Variants in ADAM22 observed in about 807,000 individuals in gnomAD.
ADAM22 encodes the protein ADAM metallopeptidase domain 22.
Under a neutral mutation model 144.6 loss-of-function variants are expected in ADAM22, and 65 were observed. That is an observed-to-expected ratio of 0.45 (90% confidence interval 0.37 to 0.55). The LOEUF (loss-of-function observed/expected upper bound fraction) is 0.55, where lower values mean the gene tolerates loss of function less well. Ranked by LOEUF, ADAM22 falls within the 20% of genes least tolerant of loss-of-function variation. The probability of loss-of-function intolerance (pLI) is 0.00; values close to 1 mark genes in which losing one functional copy is unlikely to be tolerated. For missense variants in ADAM22, 974 were observed against 1,184.9 expected (o/e 0.82, Z 2.61); for synonymous variants, 391 against 412.6 (o/e 0.95, Z 0.63).
At chr7:88,052,264 G>A (rs771986090) in intron 3 of ADAM22, among the ~76,000 whole-genome samples, 12 of 151,390 alleles carry the variant, frequency 7.9e-5, no homozygotes, top group Non-Finnish European at 1.3e-4. Context: ...TTGGGAGACC[G>A]AGTCGGGCAG....
rs1490506811 is a variant in ADAM22 at position 88,198,999 on chromosome 7, AT to A, written c.*2511del. 3 of 152,196 alleles carry A rather than the reference AT, an allele frequency of 2.0e-5. No homozygotes were observed. Among genetic ancestry groups the A allele is most frequent in the African/African-American group, 7.2e-5 (3 of 41,458 alleles). 9.4% of individuals were successfully genotyped at this position (152,196 alleles called of 1,614,324 possible). A position where few individuals can be genotyped will look rare whatever the true frequency, so the allele number is the denominator to read the frequency against. On this transcript the variant is annotated 3_prime_UTR_variant, in exon 32 of 32. Transcript: ENST00000413139. ...CCCATGTTTAAACATTCTTAGAGCCATTTGTGGGATTCATTGACAAATTTAT... is the reference window on the plus strand; with the variant it reads ...CCCATGTTTAAACATTCTTAGAGCCATTGTGGGATTCATTGACAAATTTAT...
intron 3 of ADAM22, among the ~76,000 whole-genome samples, chr7:88,038,700 G>T (rs956148859): frequency 6.6e-6 from 1 of 151,688 alleles, no homozygotes; most frequent in East Asian, 1.9e-4. Context: ...TGATCCGCCC[G>T]TCTCGGCCTC....
chr7:88,089,316 G>A (rs17150205), intron 4 of ADAM22, among the ~76,000 whole-genome samples: 20,877 of 151,902 alleles, frequency 0.14, 2,182 homozygotes, highest in African/African-American at 0.27. Context: ...TGCTGCATGC[G>A]TTATTAGTAC....
chr7:87,975,825 A>C (rs976781633), intron 2 of ADAM22, among the ~76,000 whole-genome samples: 1 of 152,190 alleles, frequency 6.6e-6, no homozygotes, highest in African/African-American at 2.4e-5. Context: ...TAAGAGCTTT[A>C]ATAGTCCTAC....
At chr7:88,185,221 C>T (rs1478454357) in intron 29 of ADAM22, among the ~76,000 whole-genome samples, 1 of 152,116 alleles carries the variant, frequency 6.6e-6, no homozygotes, top group East Asian at 1.9e-4. Flanking sequence ...GTTTCTGAGT[C>T]AGGAGATACT....
chr7:87,992,160 G>A (rs998926340), intron 3 of ADAM22, among the ~76,000 whole-genome samples: 2 of 152,200 alleles, frequency 1.3e-5, no homozygotes, highest in Non-Finnish European at 2.9e-5. Flanking sequence ...AAGCTTCATA[G>A]AAAAATTGGT....
At chr7:88,083,287 G>A (rs62486409) in intron 4 of ADAM22, among the ~76,000 whole-genome samples, 55,941 of 151,678 alleles carry the variant, frequency 0.37, 11,542 homozygotes, top group South Asian at 0.61. Flanking sequence ...GAATTGAACA[G>A]TGAGAACACA....
intron 3 of ADAM22, among the ~76,000 whole-genome samples, chr7:88,040,092 G>C (rs1249096746): frequency 6.6e-6 from 1 of 151,054 alleles, no homozygotes; most frequent in African/African-American, 2.4e-5. Flanking sequence ...CAAAGGGTCA[G>C]GATTTCAGTT....
chr7:88,039,464 A>AATATATATATATATATATATATATAT (rs1554420479), intron 3 of ADAM22, among the ~76,000 whole-genome samples: 30 of 75,778 alleles, frequency 4.0e-4, no homozygotes, highest in Non-Finnish European at 5.2e-4. Context: ...AAAAAAAAAA[A>AATATATATATATATATATATATATAT]ATATATATAT....
rs947289041 is a variant in ADAM22, at chr7:88,183,904, A to G, written c.2663+1880A>G. On this transcript the variant is annotated intron_variant, in intron 29 of 31. Coordinates refer to ENST00000413139, the MANE Select transcript of ADAM22 (RefSeq NM_001324418.2). The stretch of plus-strand genomic sequence containing the variant: ...CTTACAAGGATTCCTGATAGGTAGC[A>G]TATCAAGAATTATGTTTGCAAACTT... Among the ~76,000 whole-genome samples the G allele has an allele frequency of 2.0e-5, 3 of 151,882 alleles. 1 individual carries two copies. The highest frequency in any genetic ancestry group is 4.1e-4 in the South Asian group (2 of 4,826).
At chr7:88,078,976 A>C (rs908718042) in intron 4 of ADAM22, among the ~76,000 whole-genome samples, 3 of 152,206 alleles carry the variant, frequency 2.0e-5, no homozygotes, top group African/African-American at 7.2e-5. Flanking sequence ...CCAACATTCA[A>C]ATTCAGGAAA....
At chr7:87,971,105 G>C (rs1262013212) in intron 2 of ADAM22, among the ~76,000 whole-genome samples, 1 of 152,008 alleles carries the variant, frequency 6.6e-6, no homozygotes, top group Non-Finnish European at 1.5e-5. Context: ...AGTTTGTAAG[G>C]TTGTTATCAA....
chr7:88,100,079 T>G (rs1400384362), intron 4 of ADAM22, among the ~76,000 whole-genome samples: 1 of 152,134 alleles, frequency 6.6e-6, no homozygotes, highest in African/African-American at 2.4e-5. Context: ...ACAAATATAC[T>G]AAAGAAATAT....
chr7:88,020,469 G>A (rs1797587194), intron 3 of ADAM22, among the ~76,000 whole-genome samples: 1 of 152,170 alleles, frequency 6.6e-6, no homozygotes, highest in Non-Finnish European at 1.5e-5. Context: ...CCAAGGGGAT[G>A]GGTTTTGTGA....
intron 4 of ADAM22, among the ~76,000 whole-genome samples, chr7:88,087,936 C>A (rs1188101851): frequency 6.6e-6 from 1 of 152,092 alleles, no homozygotes. Flanking sequence ...ATCACTGCAT[C>A]AAAATCTTAA....
intron 2 of ADAM22, among the ~76,000 whole-genome samples, chr7:87,940,039 A>G (rs1308982135): frequency 6.6e-6 from 1 of 152,088 alleles, no homozygotes; most frequent in Admixed American, 6.6e-5. Context: ...GAAGGGTACA[A>G]AAATTAGCCT....
intron 3 of ADAM22, among the ~76,000 whole-genome samples, chr7:88,061,176 A>T (rs578034614): frequency 6.6e-6 from 1 of 152,278 alleles, no homozygotes; most frequent in South Asian, 2.1e-4. Context: ...TTCAGACTAC[A>T]TGTCTAATTC....
chr7:87,964,339 G>T (rs961769524), intron 2 of ADAM22, among the ~76,000 whole-genome samples: 1 of 152,126 alleles, frequency 6.6e-6, no homozygotes, highest in Non-Finnish European at 1.5e-5. Flanking sequence ...CCTAATAATG[G>T]TATCTCTTAG....
chr7:88,115,491 G>A (rs77544291), intron 6 of ADAM22, among the ~76,000 whole-genome samples: 7,264 of 152,184 alleles, frequency 0.048, 461 homozygotes, highest in East Asian at 0.25. Context: ...AGTTGCAGAT[G>A]GCTGCCTTCT....
Sources: gnomAD v4.1 joint callset for allele counts (sites outside exome capture counted in the v4.1 genomes callset) on GRCh38, gnomAD v4.1.1 for gene constraint, MANE v1.5 for transcripts, NCBI Gene and HGNC (gene_info 2026-07-23, HGNC 2026-07-21) for gene names.